The following DEPDC5 variants were observed in gnomAD, a reference collection of about 807,000 sequenced individuals.
DEPDC5 encodes DEP domain containing 5, GATOR1 subcomplex subunit.
In DEPDC5, 73 loss-of-function variants were observed where a neutral mutation model predicts 217.3. The ratio of observed to expected loss-of-function variants is 0.34; its 90% CI spans 0.28 to 0.41. The LOEUF (loss-of-function observed/expected upper bound fraction) is 0.41, where lower values mean the gene tolerates loss of function less well. Ranked by LOEUF, DEPDC5 falls within the 10% of genes least tolerant of loss-of-function variation. DEPDC5 has a pLI of 1.00. For synonymous variants in DEPDC5, 733 were observed against 756.7 expected (o/e 0.97, Z 0.51); for missense variants, 1,675 against 2,070.1 (o/e 0.81, Z 3.70).
chr22:31,832,843 A>G (rs2090706256), intron 24 of DEPDC5, among the ~76,000 whole-genome samples: 2 of 152,230 alleles, frequency 1.3e-5, no homozygotes, highest in South Asian at 4.1e-4. Flanking sequence ...CATGATTTGC[A>G]AGTGCTTTCT....
intron 36 of DEPDC5, among the ~76,000 whole-genome samples, chr22:31,874,661 AC>A (rs1367990659): frequency 6.6e-6 from 1 of 152,108 alleles, no homozygotes; most frequent in African/African-American, 2.4e-5. Flanking sequence ...GCATTTATAA[AC>A]CTCAGAAAAA....
In DEPDC5 at chr22:31,879,706, C is replaced by A; in HGVS notation, c.3987C>A (p.Ser1329=). 1 of 1,614,170 alleles carries A rather than the reference C, an allele frequency of 6.2e-7. No individual in the cohort carries two copies. Among genetic ancestry groups the A allele is most frequent in the South Asian group, 1.1e-5 (1 of 91,080 alleles). Reference sequence around the variant, plus strand: ...CCTCCTATGCAAGTAGGCACAGCTCCTTTAGCCGAAGTTTTGGAGGACGGA... The same window carrying A: ...CCTCCTATGCAAGTAGGCACAGCTCATTTAGCCGAAGTTTTGGAGGACGGA... The part of the protein sequence containing the change: ...RPASYASRHS[S]FSRSFGGRSQ... Residue 1329 remains serine, a synonymous_variant, in exon 38 of 43, where the codon TCC becomes TCA. Coordinates refer to ENST00000651528, the MANE Select transcript of DEPDC5 (RefSeq NM_001242896.3).
At chr22:31,774,074 AAAAAC>A (rs764495219) in intron 7 of DEPDC5, among the ~76,000 whole-genome samples, 1 of 152,330 alleles carries the variant, frequency 6.6e-6, no homozygotes, top group South Asian at 2.1e-4. Context: ...CCTGTCTCAA[AAAAAC>A]AAAACAAAAC....
chr22:31,835,677 A>G (rs1007928032), intron 25 of DEPDC5, among the ~76,000 whole-genome samples: 1 of 152,234 alleles, frequency 6.6e-6, no homozygotes, highest in African/African-American at 2.4e-5. Context: ...GCCAGGAAGT[A>G]AAAACAAGCT....
chr22:31,754,844 T>C lies in DEPDC5; in HGVS notation c.-60-18T>C, dbSNP rs1455201027. 3.2e-6 allele frequency: 5 copies of C among 1,548,774 alleles called. No homozygotes were observed. In the Admixed American group the frequency reaches 5.1e-5, roughly 16 times the overall value. On this transcript the variant is annotated intron_variant, in intron 1 of 42. Coordinates refer to ENST00000651528, the MANE Select transcript of DEPDC5 (RefSeq NM_001242896.3). ...AAAATCTGACATTCCAACCTTTTCGTTTGTATTTCTGTGGCAGGGAGGCAA... is the reference window on the plus strand; with the variant it reads ...AAAATCTGACATTCCAACCTTTTCGCTTGTATTTCTGTGGCAGGGAGGCAA...
chr22:31,768,773 CCTCCCTCCCTCTCTCT>C, intron 6 of DEPDC5, 25 bp from the exon 7 acceptor site: 1 of 1,435,840 alleles, frequency 7.0e-7, no homozygotes, highest in Non-Finnish European at 9.7e-7. Flanking sequence ...ACCCTCTCTC[CCTCCCTCCCTCTCTCT>C]ACCCCTCTCT....
intron 20 of DEPDC5, among the ~76,000 whole-genome samples, chr22:31,811,270 A>G (rs1358128734): frequency 6.6e-6 from 1 of 152,116 alleles, no homozygotes; most frequent in Non-Finnish European, 1.5e-5. Flanking sequence ...GGGTTTCGCC[A>G]TGGTGGCCAG....
Position 31,874,260 on chromosome 22 carries a change from TG to T in DEPDC5, c.3564-12del. 6.2e-7 allele frequency: 1 copy of T among 1,604,514 alleles called. No homozygotes were observed. Among genetic ancestry groups the T allele is most frequent in the Non-Finnish European group, 8.5e-7 (1 of 1,175,074 alleles). ...CACATCCCCTGCTCCCCGTTCACCGTGTTGGAACCCAGGACAGGAGTCCAGC... is the reference window on the plus strand; with the variant it reads ...CACATCCCCTGCTCCCCGTTCACCGTTTGGAACCCAGGACAGGAGTCCAGC... On this transcript the variant is annotated splice_polypyrimidine_tract_variant and intron_variant, in intron 35 of 42. Transcript: ENST00000651528.
At position 31,754,937 on chromosome 22, in the gene DEPDC5, G is replaced by A. The variant is rs2075191238; in HGVS notation, c.16G>A (p.Val6Ile). 1 of 1,614,088 alleles carries A rather than the reference G, an allele frequency of 6.2e-7. No individual in the cohort carries two copies. The highest frequency in any genetic ancestry group is 1.7e-5 in the Admixed American group (1 of 59,990). Residue 6 changes from valine to isoleucine, a missense_variant, in exon 2 of 43, where the codon GTC (valine) becomes ATC (isoleucine). Around this residue, in one of 11 missense-constraint regions of DEPDC5, gnomAD observed 628 missense variants for 762.1 expected, o/e 0.82. Coordinates refer to ENST00000651528, the MANE Select transcript of DEPDC5 (RefSeq NM_001242896.3). MRTTK[V>I]YKLVIHKKGF... ...ACAGTGCAAGATGAGAACAACAAAGGTCTACAAACTCGTCATCCACAAGAA... is the reference window on the plus strand; with the variant it reads ...ACAGTGCAAGATGAGAACAACAAAGATCTACAAACTCGTCATCCACAAGAA...
intron 41 of DEPDC5, among the ~76,000 whole-genome samples, chr22:31,904,471 G>A (rs2093721200): frequency 6.6e-6 from 1 of 152,238 alleles, no homozygotes; most frequent in African/African-American, 2.4e-5. Flanking sequence ...GGCTGGGTGT[G>A]GTGGCTCACG....
intron 12 of DEPDC5, among the ~76,000 whole-genome samples, chr22:31,793,036 C>T (rs2085860890): frequency 1.3e-5 from 2 of 151,660 alleles, no homozygotes; most frequent in Non-Finnish European, 2.9e-5. Flanking sequence ...CACCACTGCA[C>T]ACCAACCTGG....
chr22:31,864,641 G>A (rs943466127), intron 33 of DEPDC5, among the ~76,000 whole-genome samples: 2 of 151,388 alleles, frequency 1.3e-5, no homozygotes, highest in Admixed American at 6.6e-5. Flanking sequence ...TCAGTCATGC[G>A]TGGTGGCTCA....
rs1057241459 is a variant in DEPDC5, at chr22:31,892,362, C to T, written c.4034-1220C>T. 3.3e-5 allele frequency among the ~76,000 whole-genome samples: 5 copies of T among 152,182 alleles called. No individual in the cohort carries two copies. In the East Asian group the frequency reaches 5.8e-4, roughly 18 times the overall value. On this transcript the variant is annotated intron_variant, in intron 38 of 42. Transcript: ENST00000651528. ...TGACTATTTCTTTTAGAGCAGTTTTCGGTTCATAGCAGAATCTAATAGAAA... is the reference window on the plus strand; with the variant it reads ...TGACTATTTCTTTTAGAGCAGTTTTTGGTTCATAGCAGAATCTAATAGAAA...
intron 33 of DEPDC5, among the ~76,000 whole-genome samples, chr22:31,868,007 A>T (rs2092734899): frequency 6.6e-6 from 1 of 152,178 alleles, no homozygotes; most frequent in Admixed American, 6.6e-5. Flanking sequence ...GCATGGTCTC[A>T]TTTAAATTTA....
At chr22:31,871,753 C>G (rs2092850237) in intron 34 of DEPDC5, among the ~76,000 whole-genome samples, 1 of 152,128 alleles carries the variant, frequency 6.6e-6, no homozygotes, top group African/African-American at 2.4e-5. Context: ...GGTGAAAAGA[C>G]CAAAAATGAC....
At chr22:31,755,942 A>G (rs1205434330) in intron 2 of DEPDC5, among the ~76,000 whole-genome samples, 4 of 151,226 alleles carry the variant, frequency 2.6e-5, no homozygotes. Context: ...GCGTGATCTC[A>G]GCTCACTGCA....
chr22:31,823,580 T>G (rs2089903365), intron 24 of DEPDC5, among the ~76,000 whole-genome samples: 1 of 150,594 alleles, frequency 6.6e-6, no homozygotes, highest in Non-Finnish European at 1.5e-5. Flanking sequence ...ACCAAAGACT[T>G]GAAGGGTAGA....
rs2093751728 is a variant in DEPDC5, at chr22:31,906,032, T to C, written c.4485T>C (p.Pro1495=). The C allele has an allele frequency of 1.9e-6, 3 of 1,614,102 alleles. No homozygotes were observed. Among genetic ancestry groups the C allele is most frequent in the Non-Finnish European group, 2.5e-6 (3 of 1,180,048 alleles). ...ATTCTGCCTCTGCTTTTAACTTCCC[T>C]GCTGAGAACAAGCCTCAGTATATCC... ...DKYSASAFNF[P]AENKPQYIHV... The change falls in exon 42 of 43, where the codon CCT becomes CCC. Residue 1495 remains proline, a synonymous_variant. Transcript: ENST00000651528. The surrounding 1 kb of genome is among the most constrained non-coding windows in gnomAD (Gnocchi z 5.1).
At chr22:31,887,419 C>CAAAAAAAAAAAA (rs567430576) in intron 38 of DEPDC5, among the ~76,000 whole-genome samples, 3 of 65,668 alleles carry the variant, frequency 4.6e-5, no homozygotes, top group Non-Finnish European at 6.2e-5. Flanking sequence ...AACTCTGTCT[C>CAAAAAAAAAAAA]AAAAAAAAAA....
Sources: gnomAD v4.1 joint callset for allele counts (sites outside exome capture counted in the v4.1 genomes callset) on GRCh38, gnomAD v4.1.1 for gene constraint, gnomAD v4.1.1 regional missense constraint, Gnocchi (gnomAD v3.1) non-coding constraint, MANE v1.5 for transcripts, NCBI Gene and HGNC (gene_info 2026-07-23, HGNC 2026-07-21) for gene names.